ADGRB3: variants seen among roughly 807,000 people sequenced by gnomAD.
ADGRB3 encodes brain-specific angiogenesis inhibitor 3.
ADGRB3 carries 37 observed loss-of-function variants against 193.4 expected under a neutral mutation model. That is an observed-to-expected ratio of 0.19 (90% confidence interval 0.15 to 0.25). The LOEUF (loss-of-function observed/expected upper bound fraction) is 0.25. Ranked by LOEUF, ADGRB3 falls within the 10% of genes least tolerant of loss-of-function variation. The pLI is 1.00. For missense variants in ADGRB3, 1,637 were observed against 1,852.9 expected (o/e 0.88, Z 2.14); for synonymous variants, 690 against 644.2 (o/e 1.07, Z -1.08).
chr6:69,367,875 C>T (rs957164447), intron 29 of ADGRB3, among the ~76,000 whole-genome samples: 3 of 151,624 alleles, frequency 2.0e-5, no homozygotes, highest in South Asian at 4.2e-4. Flanking sequence ...AAGCATCATT[C>T]TCCGTAAACT....
In ADGRB3 at chr6:68,755,841, C is replaced by T. The variant is rs1373611598; in HGVS notation, c.757+116409C>T. On this transcript the variant is annotated intron_variant, in intron 3 of 31. Coordinates refer to ENST00000370598, the MANE Select transcript of ADGRB3 (RefSeq NM_001704.3). ...GGGACATTTGCCTTGTAAAATTGCA[C>T]CTAAGACTTCATGTTTTCTGATTAA... is the stretch of plus-strand genomic sequence containing the variant. Among the ~76,000 whole-genome samples the T allele has an allele frequency of 2.0e-5, 3 of 152,068 alleles. No homozygotes were observed. The South Asian group carries it at 6.2e-4, about 32-fold the overall frequency.
chr6:69,034,178 G>A (rs925457073), intron 13 of ADGRB3, among the ~76,000 whole-genome samples: 2 of 151,784 alleles, frequency 1.3e-5, no homozygotes, highest in Admixed American at 6.6e-5. Flanking sequence ...TCCTCCTTTT[G>A]AAGAATCTGT....
At chr6:68,949,427 G>A (rs977279070) in intron 6 of ADGRB3, among the ~76,000 whole-genome samples, 1 of 152,092 alleles carries the variant, frequency 6.6e-6, no homozygotes, top group Non-Finnish European at 1.5e-5. Context: ...CTAAGAGTAG[G>A]GCCTCATAAA....
intron 20 of ADGRB3, among the ~76,000 whole-genome samples, chr6:69,320,139 T>C (rs1355027402): frequency 6.6e-6 from 1 of 151,442 alleles, no homozygotes; most frequent in Non-Finnish European, 1.5e-5. Flanking sequence ...AATTAATCAG[T>C]ATCTCATCCC....
rs182769662 is a variant in ADGRB3 at position 68,934,380 on chromosome 6, G to A, written c.869-2139G>A. 2.5e-4 allele frequency among the ~76,000 whole-genome samples: 38 copies of A among 152,210 alleles called. 1 individual carries two copies. The East Asian group carries it at 6.9e-3, about 28-fold the overall frequency. On this transcript the variant is annotated intron_variant, in intron 4 of 31. Transcript: ENST00000370598. ...TCATACATTCAGAAGCAACCCAAAT[G>A]TTTAAATACTTGTACGAAAGTAATT...
At chr6:69,064,893 G>A (rs1012291611) in intron 16 of ADGRB3, among the ~76,000 whole-genome samples, 22 of 152,000 alleles carry the variant, frequency 1.4e-4, no homozygotes, top group Non-Finnish European at 2.9e-4. Context: ...TGAAATGAAC[G>A]TATTTAAGCT....
intron 20 of ADGRB3, among the ~76,000 whole-genome samples, chr6:69,243,772 C>G (rs1766432038): frequency 6.6e-6 from 1 of 151,926 alleles, no homozygotes; most frequent in South Asian, 2.1e-4. Flanking sequence ...CCTGTATGGG[C>G]CTTCTAGATA....
At chr6:68,665,579 A>T (rs1432638327) in intron 3 of ADGRB3, among the ~76,000 whole-genome samples, 1 of 151,840 alleles carries the variant, frequency 6.6e-6, no homozygotes, top group African/African-American at 2.4e-5. Context: ...CAACATATGC[A>T]AAGTGTTTAG....
At chr6:68,893,815 T>C (rs915537090) in intron 3 of ADGRB3, among the ~76,000 whole-genome samples, 8 of 151,964 alleles carry the variant, frequency 5.3e-5, no homozygotes, top group Admixed American at 4.6e-4. Context: ...GAAAATAACA[T>C]TGGAATTTAT....
chr6:69,005,272 T>G (rs1226455124), intron 11 of ADGRB3, among the ~76,000 whole-genome samples: 1 of 151,584 alleles, frequency 6.6e-6, no homozygotes, highest in Non-Finnish European at 1.5e-5. Flanking sequence ...TCTTTCCACT[T>G]AGCTTCATCC....
At chr6:69,359,389 C>T (rs1419516412) in intron 28 of ADGRB3, among the ~76,000 whole-genome samples, 2 of 151,222 alleles carry the variant, frequency 1.3e-5, no homozygotes, top group Non-Finnish European at 3.0e-5. Flanking sequence ...AATTATTCTA[C>T]TTTTTATTAT....
chr6:69,070,230 A>T (rs1270138670), intron 16 of ADGRB3, among the ~76,000 whole-genome samples: 1 of 152,180 alleles, frequency 6.6e-6, no homozygotes, highest in Non-Finnish European at 1.5e-5. Flanking sequence ...AAAGTTCTGA[A>T]GTTTGAAGAT....
chr6:68,828,436 T>A (rs1350758374), intron 3 of ADGRB3, among the ~76,000 whole-genome samples: 1 of 152,194 alleles, frequency 6.6e-6, no homozygotes, highest in African/African-American at 2.4e-5. Flanking sequence ...ATGGTGATTC[T>A]ATAGCTTTGA....
intron 3 of ADGRB3, among the ~76,000 whole-genome samples, chr6:68,911,351 G>T (rs1766704105): frequency 6.6e-6 from 1 of 151,958 alleles, no homozygotes; most frequent in South Asian, 2.1e-4. Context: ...ACAACAACAT[G>T]GCACATGTAT....
chr6:69,194,001 T>A (rs2150355721), intron 17 of ADGRB3, among the ~76,000 whole-genome samples: 1 of 152,242 alleles, frequency 6.6e-6, no homozygotes, highest in East Asian at 1.9e-4. Context: ...TCATTCATTT[T>A]CATTTTCATA....
At chr6:68,935,400 G>A (rs1446036032) in intron 4 of ADGRB3, among the ~76,000 whole-genome samples, 4 of 151,958 alleles carry the variant, frequency 2.6e-5, no homozygotes, top group Non-Finnish European at 5.9e-5. Context: ...AGAAAACGAT[G>A]GACAAATACA....
At chr6:69,254,441 T>C (rs961888206) in intron 20 of ADGRB3, among the ~76,000 whole-genome samples, 6 of 152,160 alleles carry the variant, frequency 3.9e-5, no homozygotes, top group African/African-American at 1.4e-4. Context: ...CTATTATGTA[T>C]AATTTGTGTT....
chr6:69,026,538 T>G (rs1770437163), intron 13 of ADGRB3, among the ~76,000 whole-genome samples: 1 of 152,120 alleles, frequency 6.6e-6, no homozygotes, highest in African/African-American at 2.4e-5. Flanking sequence ...TAAAAGGTAT[T>G]TGTCTGAGGT....
chr6:69,132,862 A>C (rs1582486042), intron 17 of ADGRB3, among the ~76,000 whole-genome samples: 1 of 151,964 alleles, frequency 6.6e-6, no homozygotes, highest in East Asian at 1.9e-4. Context: ...AGTTTTCTAG[A>C]CACCATTTAT....
Sources: gnomAD v4.1 joint callset for allele counts (sites outside exome capture counted in the v4.1 genomes callset) on GRCh38, gnomAD v4.1.1 for gene constraint, MANE v1.5 for transcripts, NCBI Gene and HGNC (gene_info 2026-07-23, HGNC 2026-07-21) for gene names.